Variants in STARD9 observed in about 807,000 individuals in gnomAD.
The protein encoded by STARD9 is stAR-related lipid transfer protein 9.
Under a neutral mutation model 399.8 loss-of-function variants are expected in STARD9, and 346 were observed. The ratio of observed to expected loss-of-function variants is 0.87; its 90% confidence interval spans 0.79 to 0.95. The LOEUF (loss-of-function observed/expected upper bound fraction) is 0.95, where lower values mean the gene tolerates loss of function less well. Ranked by LOEUF, STARD9 falls within the 40% of genes least tolerant of loss-of-function variation. The pLI is 0.00. For synonymous variants in STARD9, 2,203 were observed against 2,143.5 expected (o/e 1.03, Z -0.77); for missense variants, 5,832 against 5,667.5 (o/e 1.03, Z -0.93).
intron 1 of STARD9, among the ~76,000 whole-genome samples, chr15:42,579,999 A>G (rs1342014777): frequency 6.6e-6 from 1 of 152,188 alleles, no homozygotes; most frequent in Non-Finnish European, 1.5e-5. Context: ...CTTGAAGTAC[A>G]AGAGGACTCT....
intron 3 of STARD9, among the ~76,000 whole-genome samples, chr15:42,612,836 T>C (rs2058878611): frequency 6.6e-6 from 1 of 151,928 alleles, no homozygotes; most frequent in South Asian, 2.1e-4. Context: ...GTACAAAAAT[T>C]GGCAGGGTGT....
chr15:42,621,594 G>A (rs1433457310), intron 3 of STARD9, among the ~76,000 whole-genome samples: 1 of 152,130 alleles, frequency 6.6e-6, no homozygotes, highest in African/African-American at 2.4e-5. Context: ...AGCTGGATTG[G>A]TTACAGCTCA....
Position 42,674,909 on chromosome 15 carries a change from G to A in STARD9, c.1632G>A (p.Gly544=). ...CGVVVLRPAR[G]ARCTVNGREV... ...TAGTTGTTCTACGACCTGCCCGTGG[G>A]GCCCGCTGTACAGTCAATGGCCGGG... The change falls in exon 18 of 33, where the codon GGG becomes GGA. Residue 544 remains glycine (G), a synonymous_variant. Coordinates refer to ENST00000290607, the MANE Select transcript of STARD9 (RefSeq NM_020759.3). The A allele has an allele frequency of 6.5e-7, 1 of 1,537,046 alleles. No homozygotes were observed. Among genetic ancestry groups the A allele is most frequent in the South Asian group, 1.2e-5 (1 of 84,028 alleles).
Position 42,689,718 on chromosome 15 carries a change from T to A in STARD9, c.8140T>A (p.Ser2714Thr), listed in dbSNP as rs1194514148. The change falls in exon 23 of 33, where the codon TCA becomes ACA. Residue 2714 changes from serine to threonine, a missense_variant. By Grantham distance (58) the Ser-to-Thr change is moderately conservative. Transcript: ENST00000290607. Reference protein sequence around the residue: ...KKKDATRTPSSADPLAPDSPR... With the variant: ...KKKDATRTPSTADPLAPDSPR... ...GAAAGATGCAACCAGAACACCTTCCTCAGCTGATCCTTTGGCCCCAGACAG... is the reference window on the plus strand; with the variant it reads ...GAAAGATGCAACCAGAACACCTTCCACAGCTGATCCTTTGGCCCCAGACAG... 1.3e-6 allele frequency: 2 copies of A among 1,537,738 alleles called. No individual in the cohort carries two copies. Among genetic ancestry groups the A allele is most frequent in the Non-Finnish European group, 1.7e-6 (2 of 1,147,044 alleles).
Position 42,689,622 on chromosome 15 carries a change from C to A in STARD9, c.8044C>A (p.Leu2682Met). The change falls in exon 23 of 33, where the codon CTG (leucine) becomes ATG (methionine). Residue 2682 changes from leucine to methionine, a missense_variant. Leu to Met is a conservative substitution (Grantham distance 15, BLOSUM62 2). This residue lies in a region of STARD9 where 5,828 missense variants were observed against 5,651.1 expected (regional missense o/e 1.03). Transcript: ENST00000290607. Reference protein sequence around the residue: ...AQDRKRRTGELRQFAGASEPF... With the variant: ...AQDRKRRTGEMRQFAGASEPF... ...AGACAGGAAACGTCGTACTGGAGAA[C>A]TGAGGCAGTTCGCGGGAGCAAGTGA... The A allele has an allele frequency of 6.5e-7, 1 of 1,537,554 alleles. No homozygotes were observed. Among genetic ancestry groups the A allele is most frequent in the Non-Finnish European group, 8.7e-7 (1 of 1,147,004 alleles).
intron 3 of STARD9, among the ~76,000 whole-genome samples, chr15:42,602,862 C>G (rs1356973708): frequency 6.6e-6 from 1 of 152,190 alleles, no homozygotes; most frequent in African/African-American, 2.4e-5. Context: ...TCATCCCACC[C>G]CTTTTGTTAC....
In STARD9 at chr15:42,686,202, C is replaced by A. The variant is rs76887315; in HGVS notation, c.4624C>A (p.Leu1542Met). 2.3e-5 allele frequency: 36 copies of A among 1,537,652 alleles called. No individual in the cohort carries two copies. Among genetic ancestry groups the A allele is most frequent in the Non-Finnish European group, 3.1e-5 (36 of 1,146,998 alleles). The change falls in exon 23 of 33, where the codon CTG becomes ATG. Residue 1542 changes from leucine (L) to methionine (M), a missense_variant. Physicochemically the swap from Leu to Met is conservative, Grantham distance 15 (BLOSUM62 2). Around this residue, in one of 2 missense-constraint regions of STARD9, gnomAD observed 5,828 missense variants for 5,651.1 expected, o/e 1.03. Coordinates refer to ENST00000290607, the MANE Select transcript of STARD9 (RefSeq NM_020759.3). ...LPVGPRVSSN[L>M]NLNNFPVHLS... ...AGTTGGCCCTAGGGTATCTAGCAAT[C>A]TGAATCTCAACAACTTTCCAGTCCA...
intron 4 of STARD9, among the ~76,000 whole-genome samples, chr15:42,636,622 A>G (rs889567388): frequency 6.6e-6 from 1 of 152,086 alleles, no homozygotes; most frequent in African/African-American, 2.4e-5. Context: ...AAAAGTATAT[A>G]TGTCCTGTTA....
At position 42,634,936 on chromosome 15, in the gene STARD9, A is replaced by C. The variant is rs1302416780; in HGVS notation, c.315A>C (p.Thr105=). The stretch of plus-strand genomic sequence containing the variant: ...TATGCCTTTTTGCTTATGGACAGAC[A>C]GGCTCTGGGAAGACATATACCATGC... ...YNICLFAYGQ[T]GSGKTYTMLG... Residue 105 remains threonine (T), a synonymous_variant, in exon 4 of 33, where the codon ACA becomes ACC. Transcript: ENST00000290607. 6.5e-7 allele frequency: 1 copy of C among 1,536,906 alleles called. No individual in the cohort carries two copies. The highest frequency in any genetic ancestry group is 8.7e-7 in the Non-Finnish European group (1 of 1,146,602).
chr15:42,717,191 A>G (rs1566970293), intron 28 of STARD9, 143 bp downstream of exon 28: 5 of 965,778 alleles, frequency 5.2e-6, no homozygotes, highest in Non-Finnish European at 7.6e-6. Flanking sequence ...ATCTTGAGAA[A>G]AGGGGAATTC....
chr15:42,703,598 C>T (rs2061014381), intron 26 of STARD9, among the ~76,000 whole-genome samples: 1 of 150,204 alleles, frequency 6.7e-6, no homozygotes, highest in South Asian at 2.1e-4. Flanking sequence ...TGGTCTTGAA[C>T]TCCTGACCTC....
intron 1 of STARD9, among the ~76,000 whole-genome samples, chr15:42,578,342 C>T (rs183127499): frequency 6.8e-4 from 103 of 152,146 alleles, no homozygotes; most frequent in African/African-American, 2.4e-3. Context: ...AACTCCTGAC[C>T]TCACCTGCCA....
At position 42,692,907 on chromosome 15, in the gene STARD9, G is replaced by C. The variant is rs192510227; in HGVS notation, c.11329G>C (p.Asp3777His). Residue 3777 changes from aspartate (D) to histidine (H), a missense_variant, in exon 23 of 33, where the codon GAT (aspartate) becomes CAT (histidine). Asp to His is a moderately conservative substitution (Grantham distance 81, BLOSUM62 -1). This residue lies in a region of STARD9 where 5,828 missense variants were observed against 5,651.1 expected (regional missense o/e 1.03). Coordinates refer to ENST00000290607, the MANE Select transcript of STARD9 (RefSeq NM_020759.3). ...CTCGACTGTGTCTCAAGAAGAGGGAGATGTGCCAGGGGTACCTCAGAAGAG... is the reference window on the plus strand; with the variant it reads ...CTCGACTGTGTCTCAAGAAGAGGGACATGTGCCAGGGGTACCTCAGAAGAG... ...DTSTVSQEEG[D>H]VPGVPQKREA... The C allele has an allele frequency of 2.0e-6, 3 of 1,537,158 alleles. No individual in the cohort carries two copies. In the African/African-American group the frequency reaches 4.1e-5, roughly 21 times the overall value.
intron 20 of STARD9, among the ~76,000 whole-genome samples, chr15:42,677,315 C>T (rs1156774097): frequency 6.6e-6 from 1 of 152,144 alleles, no homozygotes; most frequent in Admixed American, 6.5e-5. Flanking sequence ...GAACAGCAGG[C>T]AAGTCCTCAT....
At chr15:42,623,233 CAA>C (rs1326948313) in intron 3 of STARD9, among the ~76,000 whole-genome samples, 2 of 151,714 alleles carry the variant, frequency 1.3e-5, no homozygotes, top group Admixed American at 6.6e-5. Context: ...GCCTGGGCAA[CAA>C]GAGCGAAACT....
chr15:42,633,344 C>T (rs913488322), intron 3 of STARD9, among the ~76,000 whole-genome samples: 1 of 152,076 alleles, frequency 6.6e-6, no homozygotes, highest in African/African-American at 2.4e-5. Flanking sequence ...TATAAGAATA[C>T]ACTACACCTT....
chr15:42,578,876 T>G (rs2058111078), intron 1 of STARD9, among the ~76,000 whole-genome samples: 1 of 152,186 alleles, frequency 6.6e-6, no homozygotes, highest in East Asian at 1.9e-4. Flanking sequence ...GCAGACATCC[T>G]TCCTTTCTTC....
chr15:42,717,497 G>A (rs978248519), intron 28 of STARD9, among the ~76,000 whole-genome samples: 3 of 151,824 alleles, frequency 2.0e-5, no homozygotes, highest in African/African-American at 7.3e-5. Context: ...GTGGTGGTGT[G>A]TACCTGTAGC....
intron 26 of STARD9, among the ~76,000 whole-genome samples, chr15:42,711,786 C>T (rs2061228860): frequency 1.3e-5 from 2 of 151,704 alleles, no homozygotes; most frequent in African/African-American, 2.4e-5. Context: ...CTGCTATGAA[C>T]ATCCCTGTAA....
Sources: allele counts gnomAD v4.1 joint callset (sites outside exome capture counted in the v4.1 genomes callset), GRCh38; gene constraint gnomAD v4.1.1; regional missense constraint gnomAD v4.1.1; transcripts MANE v1.5; gene names NCBI Gene and HGNC (gene_info 2026-07-23, HGNC 2026-07-21).